RIMBP2: variants seen among roughly 807,000 people sequenced by gnomAD.
The protein encoded by RIMBP2 is RIMS-binding protein 2.
In RIMBP2, 48 loss-of-function variants were observed where a neutral mutation model predicts 118.6. The observed-to-expected ratio is 0.40, with a 90% CI of 0.32 to 0.51. RIMBP2 has a LOEUF of 0.51. Ranked by LOEUF, RIMBP2 falls within the 20% of genes least tolerant of loss-of-function variation. The pLI is 0.41. For synonymous variants in RIMBP2, 762 were observed against 742.9 expected (o/e 1.03, Z -0.42); for missense variants, 1,551 against 1,768.3 (o/e 0.88, Z 2.20).
At chr12:130,658,443 T>C (rs951236692) in intron 1 of RIMBP2, 2 of 152,062 alleles carry the variant, frequency 1.3e-5, no homozygotes, top group African/African-American at 4.8e-5. Flanking sequence ...GTCTCTATGC[T>C]GCATGTGGGG....
intron 2 of RIMBP2, among the ~76,000 whole-genome samples, chr12:130,529,465 G>A (rs947604691): frequency 3.9e-5 from 6 of 152,158 alleles, no homozygotes; most frequent in Non-Finnish European, 7.3e-5. Flanking sequence ...GCTGGAAGGA[G>A]GAAGGAAAGA....
chr12:130,510,922 G>C (rs7295352), intron 3 of RIMBP2, among the ~76,000 whole-genome samples: 27,277 of 152,122 alleles, frequency 0.18, 2,912 homozygotes, highest in South Asian at 0.3. Flanking sequence ...GTGTGGACAA[G>C]GAGGGGGAGG....
At chr12:130,430,963 A>G (rs2077113880) in intron 14 of RIMBP2, among the ~76,000 whole-genome samples, 1 of 152,200 alleles carries the variant, frequency 6.6e-6, no homozygotes, top group South Asian at 2.1e-4. Context: ...GTGTACCCAC[A>G]TCCGGTCATC....
rs138670754 is a variant in RIMBP2, at chr12:130,639,487, C to CAAAAAA, written c.-351-11037_-351-11032dup. Among the ~76,000 whole-genome samples the CAAAAAA allele has an allele frequency of 4.5e-4, 40 of 88,056 alleles. 2 individuals are homozygous for CAAAAAA. Among genetic ancestry groups the CAAAAAA allele is most frequent in the African/African-American group, 1.7e-3 (35 of 20,342 alleles). 57.8% of individuals were successfully genotyped at this position (88,056 alleles called of 152,430 possible). On this transcript the variant is annotated intron_variant, in intron 1 of 22. Transcript: ENST00000690449. Reference sequence around the variant, plus strand: ...AGACTAATAGAACAAGATCCTGCCTCAAAAAAAAAAAAAAAAAAAAAAAAA... The same window carrying CAAAAAA: ...AGACTAATAGAACAAGATCCTGCCTCAAAAAAAAAAAAAAAAAAAAAAAAAAAAAAA...
At chr12:130,650,398 C>T (rs550572597) in intron 1 of RIMBP2, among the ~76,000 whole-genome samples, 1 of 152,380 alleles carries the variant, frequency 6.6e-6, no homozygotes, top group Non-Finnish European at 1.5e-5. Context: ...TCTTCCTACT[C>T]CAGCCAGCCT....
At chr12:130,643,532 G>A (rs946658752) in intron 1 of RIMBP2, among the ~76,000 whole-genome samples, 2 of 149,106 alleles carry the variant, frequency 1.3e-5, no homozygotes, top group South Asian at 2.1e-4. Flanking sequence ...TCAGGGGCAG[G>A]TGCCCCATGG....
chr12:130,466,592 C>T (rs552759179), intron 6 of RIMBP2, among the ~76,000 whole-genome samples: 2 of 152,132 alleles, frequency 1.3e-5, no homozygotes, highest in Non-Finnish European at 2.9e-5. Flanking sequence ...AGCTGGGAAC[C>T]GTGTCAGCAA....
chr12:130,449,240 T>C (rs1055986523), intron 9 of RIMBP2, among the ~76,000 whole-genome samples: 2 of 152,268 alleles, frequency 1.3e-5, no homozygotes, highest in African/African-American at 4.8e-5. Context: ...CTGCTGCCCC[T>C]GGCTGATGAA....
At chr12:130,699,551 G>C (rs1288711551) in intron 1 of RIMBP2, among the ~76,000 whole-genome samples, 1 of 140,736 alleles carries the variant, frequency 7.1e-6, no homozygotes, top group African/African-American at 2.6e-5. Flanking sequence ...ACACAGGAAG[G>C]GGAACATCAC....
chr12:130,603,547 C>T (rs2059990277), intron 2 of RIMBP2, among the ~76,000 whole-genome samples: 1 of 152,202 alleles, frequency 6.6e-6, no homozygotes, highest in Non-Finnish European at 1.5e-5. Flanking sequence ...AGAAAATTTA[C>T]ATAAAACCAT....
At chr12:130,515,579 T>C (rs1001757920) in intron 3 of RIMBP2, among the ~76,000 whole-genome samples, 2 of 152,232 alleles carry the variant, frequency 1.3e-5, no homozygotes, top group Non-Finnish European at 2.9e-5. Flanking sequence ...AATATTCCAT[T>C]GGACACATAT....
chr12:130,423,656 CAAAA>C lies in RIMBP2; in HGVS notation c.3129+482_3129+485del, dbSNP rs36000671. On this transcript the variant is annotated intron_variant, in intron 16 of 22. Coordinates refer to ENST00000690449, the MANE Select transcript of RIMBP2 (RefSeq NM_001393629.1). ...AAACAAGAACTTTGGAAACAATATG[CAAAA>C]AAAAAAAAAAAAAAAATAGATTTCT... Among the ~76,000 whole-genome samples the C allele has an allele frequency of 8.3e-3, 416 of 50,166 alleles. 6 individuals are homozygous for C. Among genetic ancestry groups the C allele is most frequent in the African/African-American group, 0.029 (368 of 12,604 alleles). The allele number at this position is 50,166 out of a possible 152,430, so 32.9% of individuals were successfully genotyped here.
chr12:130,557,498 T>C (rs1279879538), intron 2 of RIMBP2, among the ~76,000 whole-genome samples: 1 of 152,144 alleles, frequency 6.6e-6, no homozygotes, highest in Non-Finnish European at 1.5e-5. Flanking sequence ...GAACACCCCC[T>C]GCCCGGGCTC....
intron 1 of RIMBP2, among the ~76,000 whole-genome samples, chr12:130,673,084 G>T (rs533831427): frequency 1.3e-5 from 2 of 152,332 alleles, no homozygotes; most frequent in South Asian, 2.1e-4. Context: ...CCCACTCGAG[G>T]ATGGAAGAAT....
chr12:130,519,056 C>T (rs1270905857), intron 2 of RIMBP2, among the ~76,000 whole-genome samples: 1 of 152,244 alleles, frequency 6.6e-6, no homozygotes, highest in Non-Finnish European at 1.5e-5. Context: ...AGCTGTCAGG[C>T]TGAGAACTTC....
At position 130,446,828 on chromosome 12, in the gene RIMBP2, T is replaced by G. The variant is rs2078559722; in HGVS notation, c.582-1559A>C. Among the ~76,000 whole-genome samples the G allele has an allele frequency of 6.6e-6, 1 of 151,132 alleles. No homozygotes were observed. The highest frequency in any genetic ancestry group is 1.5e-5 in the Non-Finnish European group (1 of 67,720). On this transcript the variant is annotated intron_variant, in intron 9 of 22. Coordinates refer to ENST00000690449, the MANE Select transcript of RIMBP2 (RefSeq NM_001393629.1). This position sits in a 1 kb window ranked among gnomAD's most constrained non-coding sequence, Gnocchi z 4.1. ...ACAAAGAGACCTCGTGGGTGCTGTG[T>G]GGATGGAGCTTGGTGGAGGAGTTCC...
intron 2 of RIMBP2, among the ~76,000 whole-genome samples, chr12:130,542,006 G>A (rs755868213): frequency 1.2e-4 from 18 of 152,204 alleles, no homozygotes; most frequent in Admixed American, 1.0e-3. Flanking sequence ...TGGAGGCATC[G>A]CCTCAGAACT....
At chr12:130,600,176 T>C (rs1342818701) in intron 2 of RIMBP2, among the ~76,000 whole-genome samples, 3 of 152,226 alleles carry the variant, frequency 2.0e-5, no homozygotes, top group Admixed American at 1.3e-4. Flanking sequence ...CTTAGGCACA[T>C]GTTGTCAGGA....
chr12:130,590,924 C>T (rs1374822378), intron 2 of RIMBP2, among the ~76,000 whole-genome samples: 1 of 152,150 alleles, frequency 6.6e-6, no homozygotes, highest in African/African-American at 2.4e-5. Flanking sequence ...AGCGGATTGT[C>T]GCCCCAGAGC....
Sources: allele counts gnomAD v4.1 joint callset (sites outside exome capture counted in the v4.1 genomes callset), GRCh38; gene constraint gnomAD v4.1.1; non-coding constraint Gnocchi (gnomAD v3.1); transcripts MANE v1.5; gene names NCBI Gene and HGNC (gene_info 2026-07-23, HGNC 2026-07-21).